The following DTNB variants were observed in gnomAD, a reference collection of about 807,000 sequenced individuals.
DTNB encodes dystrobrevin beta.
A neutral mutation model predicts 90.7 loss-of-function variants in DTNB; 63 were observed. That is an observed-to-expected ratio of 0.69 (90% confidence interval 0.57 to 0.86). The LOEUF is 0.86. Ranked by LOEUF, DTNB falls within the 40% of genes least tolerant of loss-of-function variation. DTNB has a pLI of 0.00. For synonymous variants in DTNB, 277 were observed against 286.7 expected (o/e 0.97, Z 0.34); for missense variants, 744 against 807.1 (o/e 0.92, Z 0.95).
At chr2:25,578,093 A>G (rs1469565359) in intron 7 of DTNB, among the ~76,000 whole-genome samples, 1 of 152,192 alleles carries the variant, frequency 6.6e-6, no homozygotes, top group Non-Finnish European at 1.5e-5. Flanking sequence ...TAAGACCACA[A>G]TCTTACTTCA....
At chr2:25,478,072 C>A (rs1005263539) in intron 10 of DTNB, among the ~76,000 whole-genome samples, 2 of 149,746 alleles carry the variant, frequency 1.3e-5, no homozygotes, top group African/African-American at 4.9e-5. Context: ...TGTTTCAGGA[C>A]GAAACAGGCA....
intron 11 of DTNB, among the ~76,000 whole-genome samples, chr2:25,453,710 C>T (rs1346543822): frequency 4.6e-5 from 7 of 152,176 alleles, no homozygotes; most frequent in Admixed American, 4.6e-4. Context: ...CAACTCTGTT[C>T]CTAGAGACCA....
At chr2:25,591,857 T>C (rs1573059232) in intron 6 of DTNB, among the ~76,000 whole-genome samples, 2 of 151,564 alleles carry the variant, frequency 1.3e-5, no homozygotes, top group South Asian at 4.2e-4. Flanking sequence ...GATCAGGAGG[T>C]CGAGATCAGC....
chr2:25,484,377 T>C (rs900942393), intron 9 of DTNB, among the ~76,000 whole-genome samples: 2 of 152,228 alleles, frequency 1.3e-5, no homozygotes, highest in Non-Finnish European at 2.9e-5. Flanking sequence ...TTATGTAAAA[T>C]GTTTCTGGAG....
chr2:25,385,003 C>T (rs564415576), intron 18 of DTNB, among the ~76,000 whole-genome samples: 6 of 151,958 alleles, frequency 3.9e-5, no homozygotes, highest in African/African-American at 7.3e-5. Context: ...CTCAGCCTCC[C>T]GAGTAGCTGG....
chr2:25,637,428 G>A (rs545347160), intron 3 of DTNB, among the ~76,000 whole-genome samples: 129 of 152,210 alleles, frequency 8.5e-4, no homozygotes, highest in Non-Finnish European at 1.4e-3. Context: ...GGCAATCTAC[G>A]GAATGGGAGA....
chr2:25,408,755 T>C (rs2045910320), intron 16 of DTNB, among the ~76,000 whole-genome samples: 1 of 152,172 alleles, frequency 6.6e-6, no homozygotes, highest in Non-Finnish European at 1.5e-5. Flanking sequence ...TAGCTGAAAC[T>C]AAGCAGATGT....
chr2:25,427,598 C>T lies in DTNB; in HGVS notation c.1491G>A (p.Ser497=), dbSNP rs199722054. ...GCTCCCGCCTGCTCTCCTGCAGGGC[C>T]GACATCCTCTGCTCCAGTTCATCCT... ...QRKDELEQRM[S]ALQESRRELM... is the part of the protein sequence containing the mutation. The change falls in exon 15 of 21, where the codon TCG becomes TCA. Residue 497 remains serine, a synonymous_variant. Transcript: ENST00000406818. 223 of 1,613,600 alleles carry T rather than the reference C, an allele frequency of 1.4e-4. 1 individual carries two copies. In the East Asian group the frequency reaches 2.1e-3, roughly 15 times the overall value.
intron 6 of DTNB, among the ~76,000 whole-genome samples, chr2:25,589,060 C>T (rs1332327410): frequency 6.6e-6 from 1 of 152,222 alleles, no homozygotes; most frequent in Admixed American, 6.5e-5. Flanking sequence ...AGACATCTCA[C>T]TTCAAAGTGA....
chr2:25,528,248 AGAAATAAAAGGGAACCTCTTAAACCC>A (rs2077522785), intron 9 of DTNB, among the ~76,000 whole-genome samples: 1 of 152,238 alleles, frequency 6.6e-6, no homozygotes, highest in African/African-American at 2.4e-5. Context: ...CTAGCAAACT[AGAAATAAAAGGGAACCTCTTAAACCC>A]GATAAATAGT....
At chr2:25,467,274 G>T (rs542649054) in intron 10 of DTNB, among the ~76,000 whole-genome samples, 23 of 150,282 alleles carry the variant, frequency 1.5e-4, no homozygotes, top group Admixed American at 8.7e-4. Flanking sequence ...TACTAAATTT[G>T]ATGTAATCTT....
intron 3 of DTNB, among the ~76,000 whole-genome samples, chr2:25,629,802 A>C (rs1439357557): frequency 6.6e-6 from 1 of 152,254 alleles, no homozygotes; most frequent in East Asian, 1.9e-4. Context: ...TGCCAACATC[A>C]TACTTAATCA....
intron 16 of DTNB, among the ~76,000 whole-genome samples, chr2:25,404,033 G>A (rs977282476): frequency 6.6e-5 from 10 of 152,184 alleles, no homozygotes; most frequent in African/African-American, 2.2e-4. Context: ...ATGTACAGTG[G>A]GGATAACAAT....
chr2:25,456,310 A>G (rs959086870), intron 10 of DTNB, among the ~76,000 whole-genome samples: 4 of 152,204 alleles, frequency 2.6e-5, no homozygotes, highest in African/African-American at 9.6e-5. Context: ...AACCCCAGGC[A>G]ATTATTTCAC....
At chr2:25,635,079 G>GAA (rs1277851688) in intron 3 of DTNB, among the ~76,000 whole-genome samples, 1 of 140,208 alleles carries the variant, frequency 7.1e-6, no homozygotes, top group African/African-American at 2.7e-5. Flanking sequence ...AATAAAAAAA[G>GAA]AAAAAAAAAA....
intron 8 of DTNB, among the ~76,000 whole-genome samples, chr2:25,547,846 T>C (rs2082762283): frequency 6.6e-6 from 1 of 152,230 alleles, no homozygotes; most frequent in Admixed American, 6.5e-5. Flanking sequence ...TTTAACTTGC[T>C]TATTGACTAT....
At chr2:25,405,950 G>A (rs1343886277) in intron 16 of DTNB, among the ~76,000 whole-genome samples, 1 of 152,158 alleles carries the variant, frequency 6.6e-6, no homozygotes, top group Non-Finnish European at 1.5e-5. Context: ...GATAATGGAG[G>A]CTGGAATGGG....
intron 1 of DTNB, among the ~76,000 whole-genome samples, chr2:25,673,143 C>T (rs2086496403): frequency 6.6e-6 from 1 of 151,720 alleles, no homozygotes; most frequent in Non-Finnish European, 1.5e-5. Flanking sequence ...CCTCCCGGCC[C>T]GGGATCCGCC....
intron 6 of DTNB, among the ~76,000 whole-genome samples, chr2:25,582,423 T>C (rs2061692952): frequency 6.6e-6 from 1 of 152,032 alleles, no homozygotes; most frequent in Admixed American, 6.5e-5. Context: ...TTGAGAATAA[T>C]ATTTAAAATA....
Sources: gnomAD v4.1 joint callset for allele counts (sites outside exome capture counted in the v4.1 genomes callset) on GRCh38, gnomAD v4.1.1 for gene constraint, MANE v1.5 for transcripts, NCBI Gene and HGNC (gene_info 2026-07-23, HGNC 2026-07-21) for gene names.